The following NRN1 variants were observed in gnomAD, a reference collection of about 807,000 sequenced individuals.
The protein encoded by NRN1 is neuritin 1, also known as neuritin.
NRN1 carries 4 observed loss-of-function variants against 15.0 expected under a neutral mutation model. The ratio of observed to expected loss-of-function variants is 0.27; its 90% CI spans 0.13 to 0.61. NRN1 has a LOEUF of 0.61. Among genes scored for constraint, NRN1 ranks in the 20% least tolerant of loss-of-function variants. The probability of loss-of-function intolerance (pLI) is 0.87; values close to 1 mark genes in which losing one functional copy is unlikely to be tolerated. For missense variants in NRN1, 134 were observed against 181.9 expected (o/e 0.74, Z 1.51); for synonymous variants, 85 against 79.8 (o/e 1.07, Z -0.35).
upstream of NRN1, chr6:6,007,043 G>T: frequency 2.4e-6 from 1 of 414,838 alleles, no homozygotes; most frequent in South Asian, 3.9e-5. Flanking sequence ...GAGCAGGCCT[G>T]ACGTGGGGGA....
At chr6:6,003,883 G>A in intron 1 of NRN1, 1 of 1,231,108 alleles carries the variant, frequency 8.1e-7, no homozygotes, top group South Asian at 4.2e-5. Flanking sequence ...TGGCGCCCAC[G>A]ACCCTGGGCG....
chr6:6,001,667 C>T lies in NRN1; in HGVS notation c.200+686G>A, dbSNP rs538684602. On this transcript the variant is annotated intron_variant, in intron 2 of 2. Coordinates refer to ENST00000244766, the MANE Select transcript of NRN1 (RefSeq NM_016588.3). ...TCCAAATCTCGGAATCTGCTGTAAA[C>T]TCAAAGCGACTATCACTGGACCACC... 8.5e-5 allele frequency among the ~76,000 whole-genome samples: 13 copies of T among 152,342 alleles called. No homozygotes were observed. The South Asian group carries it at 2.7e-3, about 32-fold the overall frequency.
chr6:6,002,705 A>T, intron 1 of NRN1: 2 of 675,012 alleles, frequency 3.0e-6, no homozygotes, highest in Admixed American at 5.8e-5. Context: ...GTCTAGTGCA[A>T]ATTGTCGGTG....
At chr6:6,000,777 G>T (rs2151031874) in intron 2 of NRN1, among the ~76,000 whole-genome samples, 1 of 124,028 alleles carries the variant, frequency 8.1e-6, no homozygotes, top group African/African-American at 3.2e-5. Flanking sequence ...GCAGAGTTCT[G>T]AGGGACCTGG....
At chr6:6,002,865 C>T (rs1757994697) in intron 1 of NRN1, 1 of 385,246 alleles carries the variant, frequency 2.6e-6, no homozygotes, top group Non-Finnish European at 4.7e-6. Flanking sequence ...CTCGCTCCCT[C>T]CTTCGTCTCC....
At chr6:6,004,716 G>A (rs1468683421) in intron 1 of NRN1, among the ~76,000 whole-genome samples, 1 of 152,196 alleles carries the variant, frequency 6.6e-6, no homozygotes, top group African/African-American at 2.4e-5. Flanking sequence ...CCAGCAGGTC[G>A]CAGCCCGTGG....
rs1298216010 is a variant in NRN1 at position 6,006,859 on chromosome 6, A to T, written c.-110T>A. 9.0e-6 allele frequency: 8 copies of T among 884,158 alleles called. No homozygotes were observed. In the Middle Eastern group the frequency reaches 6.5e-4, roughly 72 times the overall value. The allele number at this position is 884,158 out of a possible 1,614,324, so 54.8% of individuals were successfully genotyped here. On this transcript the variant is annotated 5_prime_UTR_variant, in exon 1 of 3. Transcript: ENST00000244766. ...TGCCAACAAGTTCCGGGAGCGACAGAGACTTTATGCACTGGGAAGGCAGAG... is the reference window on the plus strand; with the variant it reads ...TGCCAACAAGTTCCGGGAGCGACAGTGACTTTATGCACTGGGAAGGCAGAG...
Position 5,998,105 on chromosome 6 carries a change from T to C in NRN1, c.*871A>G, listed in dbSNP as rs2151029799. 6.6e-6 allele frequency: 1 copy of C among 152,340 alleles called. No homozygotes were observed. Among genetic ancestry groups the C allele is most frequent in the Non-Finnish European group, 1.5e-5 (1 of 68,026 alleles). The allele number at this position is 152,340 out of a possible 1,614,324, so 9.4% of individuals were successfully genotyped here. On this transcript the variant is annotated 3_prime_UTR_variant, in exon 3 of 3. Transcript: ENST00000244766. The stretch of plus-strand genomic sequence containing the variant: ...TTTTAAATTACATCTCTCTCTCTTT[T>C]TTTTTTAAAATCAAGGCTCTTTTAT...
At chr6:6,001,554 C>T (rs1255583453) in intron 2 of NRN1, among the ~76,000 whole-genome samples, 1 of 152,170 alleles carries the variant, frequency 6.6e-6, no homozygotes, top group African/African-American at 2.4e-5. Flanking sequence ...TGAACTACTA[C>T]CCATCTCTCT....
intron 1 of NRN1, chr6:6,003,358 C>T (rs1026856236): frequency 3.3e-5 from 25 of 764,044 alleles, no homozygotes; most frequent in Non-Finnish European, 4.1e-5. Flanking sequence ...CCACGAACCT[C>T]GGGCCTCTTT....
upstream of NRN1, among the ~76,000 whole-genome samples, chr6:6,007,261 C>T (rs950491170): frequency 2.0e-5 from 3 of 151,972 alleles, no homozygotes; most frequent in African/African-American, 7.2e-5. Context: ...CGCCTCCCTG[C>T]GCAGAACAGG....
intron 1 of NRN1, chr6:6,003,657 C>T: frequency 8.3e-7 from 1 of 1,210,974 alleles, no homozygotes; most frequent in Non-Finnish European, 1.0e-6. Context: ...AGCCCCCGGC[C>T]TCTGGACGGC....
At chr6:6,003,777 T>TAGCGGCCCAA (rs1488302261) in intron 1 of NRN1, 1 of 1,234,064 alleles carries the variant, frequency 8.1e-7, no homozygotes, top group Non-Finnish European at 1.0e-6. Context: ...GCTGAGTGCC[T>TAGCGGCCCAA]AGCGGCCCAA....
At chr6:6,003,712 G>GGC in intron 1 of NRN1, 1 of 1,234,386 alleles carries the variant, frequency 8.1e-7, no homozygotes, top group Non-Finnish European at 1.0e-6. Context: ...CCAGGCTGCG[G>GGC]GCGCGCGGCT....
chr6:6,002,878 A>C, intron 1 of NRN1: 1 of 377,098 alleles, frequency 2.7e-6, no homozygotes, highest in Non-Finnish European at 4.8e-6. Context: ...TCGTCTCCCA[A>C]CACTTCCCCA....
chr6:6,006,889 G>C lies in NRN1; in HGVS notation c.-140C>G, dbSNP rs1408187219. On this transcript the variant is annotated 5_prime_UTR_variant, in exon 1 of 3. Transcript: ENST00000244766. ...TTATGCACTGGGAAGGCAGAGGGAG[G>C]AGAGAAAGAGAGGGAGCGAGGAAGA... 8.0e-6 allele frequency: 5 copies of C among 626,382 alleles called. No homozygotes were observed. Among genetic ancestry groups the C allele is most frequent in the Admixed American group, 4.6e-5 (2 of 43,828 alleles). 38.8% of individuals were successfully genotyped at this position (626,382 alleles called of 1,614,324 possible).
rs1757974443 is a variant in NRN1, at chr6:6,002,369, T to C, written c.184A>G (p.Ile62Val). ...GACACTTACGTGCACACGGTCTTGA[T>C]GTTCGTCTTGTCGTCCAGGCCCTGC... ...YPQGLDDKTN[I>V]KTVCTYWEDF... The change falls in exon 2 of 3, where the codon ATC becomes GTC. Residue 62 changes from isoleucine to valine, a missense_variant. By Grantham distance (29) the Ile-to-Val change is conservative. Transcript: ENST00000244766. 37 of 1,614,232 alleles carry C rather than the reference T, an allele frequency of 2.3e-5. No individual in the cohort carries two copies. Among genetic ancestry groups the C allele is most frequent in the Non-Finnish European group, 3.0e-5 (35 of 1,180,022 alleles).
rs571897723 is a variant in NRN1, at chr6:6,006,234, A to G, written c.55+461T>C. On this transcript the variant is annotated intron_variant, in intron 1 of 2. Coordinates refer to ENST00000244766, the MANE Select transcript of NRN1 (RefSeq NM_016588.3). ...GGGCGGGAGAATGACAAAGTTCTAA[A>G]TGCAGCAGTCTGAGCCCTGGAATAT... Among the ~76,000 whole-genome samples, 3 of 152,302 alleles carry G rather than the reference A, an allele frequency of 2.0e-5. No homozygotes were observed. The East Asian group carries it at 5.8e-4, about 29-fold the overall frequency.
At chr6:6,004,892 G>C (rs766640482) in intron 1 of NRN1, among the ~76,000 whole-genome samples, 3 of 151,724 alleles carry the variant, frequency 2.0e-5, no homozygotes, top group Non-Finnish European at 2.9e-5. Context: ...GTCTTCTTTC[G>C]TGTTCACCAC....
Sources: gnomAD v4.1 joint callset for allele counts (sites outside exome capture counted in the v4.1 genomes callset) on GRCh38, gnomAD v4.1.1 for gene constraint, MANE v1.5 for transcripts, NCBI Gene and HGNC (gene_info 2026-07-23, HGNC 2026-07-21) for gene names.